The following ZZEF1 variants were observed in gnomAD, a reference collection of about 807,000 sequenced individuals.
ZZEF1 encodes the protein zinc finger ZZ-type and EF-hand domain-containing protein 1.
A neutral mutation model predicts 342.8 loss-of-function variants in ZZEF1; 157 were observed. That is an observed-to-expected ratio of 0.46 (90% CI 0.40 to 0.52). The LOEUF (loss-of-function observed/expected upper bound fraction) is 0.52, where lower values mean the gene tolerates loss of function less well. Ranked by LOEUF, ZZEF1 falls within the 20% of genes least tolerant of loss-of-function variation. The pLI, the probability that ZZEF1 is intolerant of heterozygous loss-of-function variation, is 0.00. For synonymous variants in ZZEF1, 1,505 were observed against 1,429.1 expected (o/e 1.05, Z -1.20); for missense variants, 3,480 against 3,725.6 (o/e 0.93, Z 1.72).
chr17:4,140,826 A>G (rs547484143), intron 1 of ZZEF1, among the ~76,000 whole-genome samples: 2 of 151,982 alleles, frequency 1.3e-5, no homozygotes, highest in Non-Finnish European at 2.9e-5. Flanking sequence ...TCATATTCTC[A>G]TAATACGCGT....
intron 1 of ZZEF1, among the ~76,000 whole-genome samples, chr17:4,129,697 T>A (rs1364990584): frequency 6.6e-6 from 1 of 151,878 alleles, no homozygotes; most frequent in African/African-American, 2.4e-5. Flanking sequence ...ATGAGCCAGG[T>A]GTGGTGGTAG....
At chr17:4,122,568 C>G (rs534559865) in intron 2 of ZZEF1, among the ~76,000 whole-genome samples, 2 of 152,132 alleles carry the variant, frequency 1.3e-5, no homozygotes, top group East Asian at 3.9e-4. Flanking sequence ...TTAGTAGAGA[C>G]GGAGTTTCTC....
At position 4,074,568 on chromosome 17, in the gene ZZEF1, C is replaced by T. The variant is rs187599924; in HGVS notation, c.3484-217G>A. ...GGAGAGTTGGCAGAATACTGCTGCT[C>T]AGCTTTCTACACCTGGGGTGACCAT... On this transcript the variant is annotated intron_variant, in intron 23 of 54. Transcript: ENST00000381638. Among the ~76,000 whole-genome samples the T allele has an allele frequency of 2.9e-3, 446 of 152,336 alleles. 3 individuals carry two copies. The highest frequency in any genetic ancestry group is 5.3e-3 in the Non-Finnish European group (361 of 68,036).
Position 4,090,708 on chromosome 17 carries a change from C to A in ZZEF1, c.2025+11G>T. 1 of 1,610,606 alleles carries A rather than the reference C, an allele frequency of 6.2e-7. No individual in the cohort carries two copies. Among genetic ancestry groups the A allele is most frequent in the Non-Finnish European group, 8.5e-7 (1 of 1,177,112 alleles). ...AGGAGGGGAGTGGGCAAACGACGCA[C>A]TAATGCTTACTTTGGCAACTCTGCA... On this transcript the variant is annotated intron_variant, in intron 12 of 54. Transcript: ENST00000381638.
chr17:4,142,913 C>A lies in ZZEF1; in HGVS notation c.-18G>T, dbSNP rs1208489704. 1.5e-6 allele frequency: 2 copies of A among 1,312,212 alleles called. No individual in the cohort carries two copies. The allele number at this position is 1,312,212 out of a possible 1,614,324, so 81.3% of individuals were successfully genotyped here. A position where few individuals can be genotyped will look rare whatever the true frequency, so the allele number is the denominator to read the frequency against. ...TTCCCCATGGGGTCTCCGTCTTGGGCGCCTGGCTCTGCAGCCGCCGCCGCC... is the reference window on the plus strand; with the variant it reads ...TTCCCCATGGGGTCTCCGTCTTGGGAGCCTGGCTCTGCAGCCGCCGCCGCC... On this transcript the variant is annotated 5_prime_UTR_variant, in exon 1 of 55. Transcript: ENST00000381638.
intron 39 of ZZEF1, among the ~76,000 whole-genome samples, chr17:4,034,896 G>T (rs1163100649): frequency 6.6e-6 from 1 of 152,206 alleles, no homozygotes; most frequent in Non-Finnish European, 1.5e-5. Context: ...TACTTGGGAG[G>T]CTGAGGTGAG....
intron 30 of ZZEF1, among the ~76,000 whole-genome samples, chr17:4,061,351 A>C (rs1182698809): frequency 2.0e-5 from 3 of 151,208 alleles, no homozygotes; most frequent in Non-Finnish European, 4.4e-5. Context: ...CTTAGCTGAC[A>C]CTCCTTTCTC....
At chr17:4,007,941 C>A (rs561457548) in intron 54 of ZZEF1, among the ~76,000 whole-genome samples, 41 of 152,076 alleles carry the variant, frequency 2.7e-4, no homozygotes, top group Non-Finnish European at 4.7e-4. Context: ...GCCTCAGTGT[C>A]CCTAGCTGTC....
At chr17:4,090,364 TG>T (rs1412721641) in intron 12 of ZZEF1, among the ~76,000 whole-genome samples, 1 of 141,134 alleles carries the variant, frequency 7.1e-6, no homozygotes, top group African/African-American at 2.7e-5. Flanking sequence ...CACTGTAGCC[TG>T]GCTAAGGATG....
chr17:4,117,579 C>T (rs1041170860), intron 2 of ZZEF1, among the ~76,000 whole-genome samples: 13 of 130,524 alleles, frequency 1.0e-4, no homozygotes, highest in African/African-American at 3.8e-4. Context: ...ACTCAGGGGG[C>T]GGAGGTTGCA....
chr17:4,090,495 G>A (rs935114334), intron 12 of ZZEF1, among the ~76,000 whole-genome samples: 2 of 152,160 alleles, frequency 1.3e-5, no homozygotes, highest in Non-Finnish European at 2.9e-5. Context: ...AGAAGCTTTC[G>A]AGTTACATAT....
At chr17:4,026,166 C>CA (rs541588747) in intron 42 of ZZEF1, among the ~76,000 whole-genome samples, 2 of 152,116 alleles carry the variant, frequency 1.3e-5, no homozygotes, top group South Asian at 4.1e-4. Flanking sequence ...GAAAGAGCTA[C>CA]AGTAGACAGA....
chr17:4,067,066 A>G, intron 27 of ZZEF1, 97 bp downstream of exon 27: 1 of 1,012,586 alleles, frequency 9.9e-7, no homozygotes, highest in South Asian at 1.6e-5. Flanking sequence ...AAAATCCTAA[A>G]GCTATATTCT....
chr17:4,004,631 T>A lies in ZZEF1; in HGVS notation c.*2259A>T, dbSNP rs2055764483. 6.6e-6 allele frequency: 1 copy of A among 152,524 alleles called. No individual in the cohort carries two copies. The allele number at this position is 152,524 out of a possible 1,614,324, so 9.4% of individuals were successfully genotyped here. The stretch of plus-strand genomic sequence containing the variant: ...AATTAAAAACGGTGATGAAAATACG[T>A]CACTCCTCTCGTTAGGAACAGTGTC... On this transcript the variant is annotated 3_prime_UTR_variant, in exon 55 of 55. Transcript: ENST00000381638.
At chr17:4,059,359 T>G in intron 30 of ZZEF1, 69 bp from the exon 31 acceptor site, 1 of 1,550,544 alleles carries the variant, frequency 6.4e-7, no homozygotes, top group Non-Finnish European at 8.6e-7. Flanking sequence ...TAATAATGAT[T>G]TCTTACATGA....
At chr17:4,018,850 CCT>C (rs1292733466) in intron 46 of ZZEF1, among the ~76,000 whole-genome samples, 2 of 151,910 alleles carry the variant, frequency 1.3e-5, no homozygotes, top group East Asian at 1.9e-4. Flanking sequence ...CTCCACCTCC[CCT>C]CTTTCCTCTG....
chr17:4,111,196 ATG>A (rs1408103622), intron 5 of ZZEF1, among the ~76,000 whole-genome samples: 2 of 151,276 alleles, frequency 1.3e-5, no homozygotes, highest in Non-Finnish European at 2.9e-5. Context: ...GTGTGCATAT[ATG>A]TGTGTGTATG....
rs188631556 is a variant in ZZEF1, at chr17:4,142,616, A to T, written c.280T>A (p.Ser94Thr). The T allele has an allele frequency of 3.4e-4, 543 of 1,604,210 alleles. No homozygotes were observed. The highest frequency in any genetic ancestry group is 2.7e-4 in the Non-Finnish European group (320 of 1,179,342). The change falls in exon 1 of 55, where the codon TCT (serine) becomes ACT (threonine). Residue 94 changes from serine to threonine, a missense_variant. Transcript: ENST00000381638. ...LEERLGRGEE[S>T]VTLEQFRELL... ...TCCCGGAACTGCTCCAGAGTGACAG[A>T]CTCTTCGCCGCGGCCCAGCCGCTCT...
At chr17:4,121,258 G>C (rs562725047) in intron 2 of ZZEF1, among the ~76,000 whole-genome samples, 48 of 152,310 alleles carry the variant, frequency 3.2e-4, no homozygotes, top group African/African-American at 1.2e-3. Flanking sequence ...TCCAAATAAA[G>C]CTCCTGATGC....
Sources: allele counts gnomAD v4.1 joint callset (sites outside exome capture counted in the v4.1 genomes callset), GRCh38; gene constraint gnomAD v4.1.1; transcripts MANE v1.5; gene names NCBI Gene and HGNC (gene_info 2026-07-23, HGNC 2026-07-21).